Variants in SYNM observed in about 807,000 individuals in gnomAD.
The protein encoded by SYNM is desmuslin.
In SYNM, 95 loss-of-function variants were observed where a neutral mutation model predicts 104.0. The observed-to-expected ratio is 0.91, with a 90% CI of 0.77 to 1.08. The LOEUF (loss-of-function observed/expected upper bound fraction) is 1.08, where lower values mean the gene tolerates loss of function less well. Among genes scored for constraint, SYNM ranks in the 50% least tolerant of loss-of-function variants. SYNM has a pLI of 0.00. For missense variants in SYNM, 2,150 were observed against 2,052.2 expected, an observed-to-expected ratio of 1.05 and a Z score of -0.92; for synonymous variants, 918 against 869.0, an observed-to-expected ratio of 1.06 and a Z score of -0.99.
At chr15:99,119,259 TC>T (rs1305969607) in intron 2 of SYNM, among the ~76,000 whole-genome samples, 1 of 152,098 alleles carries the variant, frequency 6.6e-6, no homozygotes, top group African/African-American at 2.4e-5. Context: ...GGGTGGAGAA[TC>T]CCCGGTCCAG....
chr15:99,107,578 C>T (rs1360347549), intron 1 of SYNM, among the ~76,000 whole-genome samples: 1 of 152,202 alleles, frequency 6.6e-6, no homozygotes, highest in Admixed American at 6.5e-5. Flanking sequence ...TCACTTGGCA[C>T]ATTTCAGACC....
chr15:99,114,059 C>T (rs1299943758), intron 2 of SYNM, among the ~76,000 whole-genome samples: 1 of 151,920 alleles, frequency 6.6e-6, no homozygotes, highest in Non-Finnish European at 1.5e-5. Context: ...AGACTTTGCT[C>T]AGAGAAGTTA....
At chr15:99,123,730 C>T (rs1335244341) in intron 2 of SYNM, among the ~76,000 whole-genome samples, 1 of 152,262 alleles carries the variant, frequency 6.6e-6, no homozygotes, top group East Asian at 1.9e-4. Flanking sequence ...CCCACAGGCC[C>T]CGGCCCCGGC....
rs781863326 is a variant in SYNM, at chr15:99,105,347, G to C, written c.148G>C (p.Glu50Gln). Reference sequence around the variant, plus strand: ...GGAGCTGCGCGGCCGGCGCGGGCGAGAGGGCCTGTGGGCCGAGGGGCAGGC... The same window carrying C: ...GGAGCTGCGCGGCCGGCGCGGGCGACAGGGCCTGTGGGCCGAGGGGCAGGC... ...EEELRGRRGR[E>Q]GLWAEGQARC... is the part of the protein sequence containing the mutation. The change falls in exon 1 of 4, where the codon GAG becomes CAG. Residue 50 changes from glutamate (E) to glutamine (Q), a missense_variant. Coordinates refer to ENST00000336292, the MANE Select transcript of SYNM (RefSeq NM_145728.3). The C allele has an allele frequency of 2.6e-6, 4 of 1,537,902 alleles. No homozygotes were observed. The highest frequency in any genetic ancestry group is 2.8e-5 in the African/African-American group (2 of 72,342).
At chr15:99,106,730 C>G (rs1360475504) in intron 1 of SYNM, among the ~76,000 whole-genome samples, 15 of 152,226 alleles carry the variant, frequency 9.9e-5, no homozygotes, top group Non-Finnish European at 2.1e-4. Context: ...AGCAAACCCT[C>G]TGACACCGGC....
intron 2 of SYNM, among the ~76,000 whole-genome samples, chr15:99,116,329 C>A (rs1185860973): frequency 6.6e-6 from 1 of 152,188 alleles, no homozygotes; most frequent in African/African-American, 2.4e-5. Context: ...AACACTCGGG[C>A]TTTATTTGGG....
At chr15:99,138,054 C>T (rs1294580290), downstream of SYNM, 1 of 1,613,926 alleles carries the variant, frequency 6.2e-7, no homozygotes, top group African/African-American at 1.3e-5. Context: ...AGCAGGGTGT[C>T]CTGAGGGATG....
chr15:99,109,932 C>T lies in SYNM; in HGVS notation c.811-3659C>T, dbSNP rs567730690. 5.3e-5 allele frequency among the ~76,000 whole-genome samples: 8 copies of T among 152,166 alleles called. No homozygotes were observed. The South Asian group carries it at 6.2e-4, about 12-fold the overall frequency. On this transcript the variant is annotated intron_variant, in intron 1 of 3. Transcript: ENST00000336292. ...TGGGAAGCCACTGGAGGTTCTGAGCCGAGGAGAGTTGGGGCCTGGCTGTGG... is the reference window on the plus strand; with the variant it reads ...TGGGAAGCCACTGGAGGTTCTGAGCTGAGGAGAGTTGGGGCCTGGCTGTGG...
At chr15:99,121,070 G>A (rs2067396483) in intron 2 of SYNM, among the ~76,000 whole-genome samples, 2 of 152,162 alleles carry the variant, frequency 1.3e-5, no homozygotes, top group African/African-American at 2.4e-5. Flanking sequence ...GGGAAGTGGG[G>A]AGATGGGAAT....
downstream of SYNM, among the ~76,000 whole-genome samples, chr15:99,138,436 C>T (rs2067808136): frequency 6.6e-6 from 1 of 152,106 alleles, no homozygotes; most frequent in African/African-American, 2.4e-5. Context: ...GCCTCAGTCT[C>T]CCGAGTAGCC....
At chr15:99,139,190 G>C, downstream of SYNM, 1 of 1,190,162 alleles carries the variant, frequency 8.4e-7, no homozygotes, top group Non-Finnish European at 1.2e-6. Flanking sequence ...TGTCCTTTAT[G>C]CAAGTTATGG....
intron 1 of SYNM, among the ~76,000 whole-genome samples, chr15:99,112,565 CTG>C (rs1451942355): frequency 1.3e-5 from 2 of 152,154 alleles, no homozygotes; most frequent in Non-Finnish European, 2.9e-5. Flanking sequence ...TGGTCTAGGT[CTG>C]GGATTCAGAA....
intron 1 of SYNM, among the ~76,000 whole-genome samples, chr15:99,109,218 G>T (rs2067278063): frequency 6.6e-6 from 1 of 152,220 alleles, no homozygotes; most frequent in Non-Finnish European, 1.5e-5. Context: ...CCTGGCCTCA[G>T]ATTTGCCCGA....
intron 1 of SYNM, among the ~76,000 whole-genome samples, chr15:99,112,952 C>T (rs950682654): frequency 2.0e-5 from 3 of 152,214 alleles, no homozygotes; most frequent in Non-Finnish European, 4.4e-5. Flanking sequence ...CTCAAGTGAT[C>T]CGCCCGCTTC....
chr15:99,127,288 T>C (rs1376609185), intron 3 of SYNM, among the ~76,000 whole-genome samples: 1 of 152,090 alleles, frequency 6.6e-6, no homozygotes, highest in Non-Finnish European at 1.5e-5. Context: ...CTCAGGAAAA[T>C]GTGTCCTGGT....
intron 2 of SYNM, among the ~76,000 whole-genome samples, chr15:99,118,131 T>C (rs574226300): frequency 6.7e-6 from 1 of 148,510 alleles, no homozygotes; most frequent in African/African-American, 2.6e-5. Context: ...TCCGGTATAG[T>C]CTCGGAGATG....
intron 2 of SYNM, among the ~76,000 whole-genome samples, chr15:99,114,984 T>C (rs1176598355): frequency 1.3e-5 from 2 of 152,194 alleles, no homozygotes; most frequent in African/African-American, 4.8e-5. Flanking sequence ...GACGTGGTGC[T>C]GAGTTCTTTG....
rs528986487 is a variant in SYNM, at chr15:99,131,100, G to A, written c.2740G>A (p.Gly914Ser). 1.2e-5 allele frequency: 20 copies of A among 1,603,050 alleles called. No individual in the cohort carries two copies. The highest frequency in any genetic ancestry group is 1.4e-5 in the Non-Finnish European group (17 of 1,174,696). Residue 914 changes from glycine (G) to serine (S), a missense_variant, in exon 4 of 4, where the codon GGT becomes AGT. Physicochemically the swap from Gly to Ser is moderately conservative, Grantham distance 56. Transcript: ENST00000336292. The surrounding 1 kb of genome is among the most constrained non-coding windows in gnomAD (Gnocchi z 4.3). ...TCACTGGAAAGAACAAGCTAGAAGC[G>A]GTGAATTTCATGCCGAACCCACAGT... is the stretch of plus-strand genomic sequence containing the variant. ...STHWKEQARS[G>S]EFHAEPTVIE...
rs782380449 is a variant in SYNM, at chr15:99,105,899, G to A, written c.700G>A (p.Ala234Thr). The A allele has an allele frequency of 2.0e-6, 3 of 1,536,004 alleles. No individual in the cohort carries two copies. The South Asian group carries it at 3.6e-5, about 18-fold the overall frequency. ...AGAGACGCGGCTGTGCGCGCAGGAG[G>A]CAGAGGCGCTGCGGCGCGAGGCGCT... ...EEETRLCAQEAEALRREALGL... is the reference protein window; with the variant it reads ...EEETRLCAQETEALRREALGL... Residue 234 changes from alanine to threonine, a missense_variant, in exon 1 of 4, where the codon GCA (alanine) becomes ACA (threonine). Physicochemically the swap from Ala to Thr is moderately conservative, Grantham distance 58. Transcript: ENST00000336292.
Sources: gnomAD v4.1 joint callset for allele counts (sites outside exome capture counted in the v4.1 genomes callset) on GRCh38, gnomAD v4.1.1 for gene constraint, Gnocchi (gnomAD v3.1) non-coding constraint, MANE v1.5 for transcripts, NCBI Gene and HGNC (gene_info 2026-07-23, HGNC 2026-07-21) for gene names.